TRPM3: variants seen among roughly 807,000 people sequenced by gnomAD.
The protein encoded by TRPM3 is transient receptor potential cation channel subfamily M member 3.
A neutral mutation model predicts 181.2 loss-of-function variants in TRPM3; 77 were observed. The ratio of observed to expected loss-of-function variants is 0.42; its 90% CI spans 0.35 to 0.51. TRPM3 has a LOEUF of 0.51. Among genes scored for constraint, TRPM3 ranks in the 20% least tolerant of loss-of-function variants. TRPM3 has a pLI of 0.01. For synonymous variants in TRPM3, 745 were observed against 796.4 expected (o/e 0.94, Z 1.09); for missense variants, 1,759 against 2,196.7 (o/e 0.80, Z 3.98).
At chr9:70,664,653 T>G (rs1254757247) in intron 9 of TRPM3, among the ~76,000 whole-genome samples, 14 of 90,692 alleles carry the variant, frequency 1.5e-4, no homozygotes, top group African/African-American at 5.5e-4. Flanking sequence ...TTTTTTTTTT[T>G]TTTTTTTTTT....
chr9:71,307,627 A>G (rs1282876597), intron 1 of TRPM3, among the ~76,000 whole-genome samples: 2 of 152,152 alleles, frequency 1.3e-5, no homozygotes, highest in South Asian at 4.1e-4. Flanking sequence ...TTTATTCAGT[A>G]GCTATTCTTT....
At chr9:71,104,554 A>G (rs1356749693) in intron 1 of TRPM3, among the ~76,000 whole-genome samples, 1 of 152,170 alleles carries the variant, frequency 6.6e-6, no homozygotes, top group Non-Finnish European at 1.5e-5. Context: ...CAAATTCCTC[A>G]TCTGAAAACC....
At chr9:70,880,600 T>A (rs997329070) in intron 1 of TRPM3, among the ~76,000 whole-genome samples, 48 of 152,216 alleles carry the variant, frequency 3.2e-4, no homozygotes, top group Admixed American at 2.9e-3. Flanking sequence ...CCTGGCCAGG[T>A]TTAAATGATT....
chr9:71,016,609 T>G (rs1033352604), intron 1 of TRPM3, among the ~76,000 whole-genome samples: 4 of 152,202 alleles, frequency 2.6e-5, no homozygotes, highest in African/African-American at 9.6e-5. Flanking sequence ...TTTTTAAAGC[T>G]GAATGATATG....
At position 70,603,362 on chromosome 9, in the gene TRPM3, C is replaced by T; in HGVS notation, c.2776G>A (p.Gly926Arg). ...WIVISYIFTL[G>R]IEKMREILMS... ...GTTACCTCTCTCATCTTTTCTATTC[C>T]CAGGGTGAAAATATAGGAGATTACG... The change falls in exon 20 of 26, where the codon GGA becomes AGA. Residue 926 changes from glycine to arginine, a missense_variant. Around this residue, in one of 8 missense-constraint regions of TRPM3, gnomAD observed 100 missense variants for 123.0 expected, o/e 0.81. Transcript: ENST00000677713. The T allele has an allele frequency of 1.9e-6, 3 of 1,613,334 alleles. No individual in the cohort carries two copies.
At chr9:71,106,323 G>T (rs1032837978) in intron 1 of TRPM3, among the ~76,000 whole-genome samples, 1 of 152,106 alleles carries the variant, frequency 6.6e-6, no homozygotes, top group Non-Finnish European at 1.5e-5. Context: ...GGGCCGGGGG[G>T]AGGTATTTTG....
At chr9:71,334,175 A>G (rs1181445593) in intron 1 of TRPM3, among the ~76,000 whole-genome samples, 1 of 151,804 alleles carries the variant, frequency 6.6e-6, no homozygotes, top group African/African-American at 2.4e-5. Flanking sequence ...ACCACCAGTA[A>G]TAAAATTAGA....
chr9:71,182,026 G>A (rs1020656539), intron 1 of TRPM3, among the ~76,000 whole-genome samples: 9 of 152,042 alleles, frequency 5.9e-5, no homozygotes, highest in African/African-American at 7.2e-5. Flanking sequence ...TGGAAACCCC[G>A]GCCTCTACAT....
intron 1 of TRPM3, among the ~76,000 whole-genome samples, chr9:71,229,646 C>CA (rs2080919515): frequency 6.6e-6 from 1 of 152,094 alleles, no homozygotes; most frequent in African/African-American, 2.4e-5. Flanking sequence ...AGATATTTCT[C>CA]AAAAGAAGAC....
chr9:71,138,560 G>A (rs552945173), intron 1 of TRPM3, among the ~76,000 whole-genome samples: 1 of 151,070 alleles, frequency 6.6e-6, no homozygotes, highest in South Asian at 2.1e-4. Flanking sequence ...TTTCAGTTTG[G>A]TTTACTTAAA....
At chr9:70,966,919 A>C (rs1442708047) in intron 1 of TRPM3, among the ~76,000 whole-genome samples, 1 of 152,124 alleles carries the variant, frequency 6.6e-6, no homozygotes, top group African/African-American at 2.4e-5. Flanking sequence ...AAAAGTTTAA[A>C]TGTAAATCCC....
intron 1 of TRPM3, among the ~76,000 whole-genome samples, chr9:71,090,772 T>C (rs1377852435): frequency 6.6e-6 from 1 of 152,136 alleles, no homozygotes; most frequent in Non-Finnish European, 1.5e-5. Flanking sequence ...AATTTTCATT[T>C]GTAAAATAAG....
intron 1 of TRPM3, among the ~76,000 whole-genome samples, chr9:71,055,106 C>T (rs1346054847): frequency 2.6e-5 from 4 of 151,930 alleles, no homozygotes; most frequent in African/African-American, 9.7e-5. Flanking sequence ...AAGGTTAGAG[C>T]TTAGGTTGTA....
intron 1 of TRPM3, among the ~76,000 whole-genome samples, chr9:71,222,597 A>G (rs1176256316): frequency 6.6e-6 from 1 of 152,238 alleles, no homozygotes; most frequent in Non-Finnish European, 1.5e-5. Context: ...CTAAGAACCA[A>G]TGATCAAGTG....
chr9:70,992,655 C>G (rs1313607659), intron 1 of TRPM3, among the ~76,000 whole-genome samples: 1 of 152,192 alleles, frequency 6.6e-6, no homozygotes, highest in Non-Finnish European at 1.5e-5. Context: ...AACAGTAGAA[C>G]TGAATTTTTA....
intron 1 of TRPM3, among the ~76,000 whole-genome samples, chr9:71,305,593 T>G (rs1209702049): frequency 6.6e-6 from 1 of 152,200 alleles, no homozygotes; most frequent in Non-Finnish European, 1.5e-5. Context: ...TGATACAAAA[T>G]GTTTTGTTTT....
chr9:71,205,472 G>A (rs2079069872), intron 1 of TRPM3, among the ~76,000 whole-genome samples: 1 of 152,074 alleles, frequency 6.6e-6, no homozygotes, highest in African/African-American at 2.4e-5. Flanking sequence ...TGCGTAAGAA[G>A]GAATGGACCT....
intron 1 of TRPM3, among the ~76,000 whole-genome samples, chr9:71,086,132 G>C (rs1011474872): frequency 6.6e-6 from 1 of 151,930 alleles, no homozygotes; most frequent in African/African-American, 2.4e-5. Context: ...TCACTCGTAA[G>C]TGGAAGCTAA....
chr9:71,073,773 AT>A (rs1340186226), intron 1 of TRPM3, among the ~76,000 whole-genome samples: 1 of 152,084 alleles, frequency 6.6e-6, no homozygotes, highest in Non-Finnish European at 1.5e-5. Context: ...TAATTATTTA[AT>A]TAAAAAAAAC....
Sources: gnomAD v4.1 joint callset for allele counts (sites outside exome capture counted in the v4.1 genomes callset) on GRCh38, gnomAD v4.1.1 for gene constraint, gnomAD v4.1.1 regional missense constraint, MANE v1.5 for transcripts, NCBI Gene and HGNC (gene_info 2026-07-23, HGNC 2026-07-21) for gene names.